The following TMEM192 variants were observed in gnomAD, a reference collection of about 807,000 sequenced individuals.
The protein encoded by TMEM192 is transmembrane protein 192.
Under a neutral mutation model 26.7 loss-of-function variants are expected in TMEM192, and 20 were observed. That is an observed-to-expected ratio of 0.75 (90% CI 0.53 to 1.09). TMEM192 has a LOEUF of 1.09. Among genes scored for constraint, TMEM192 ranks in the 50% least tolerant of loss-of-function variants. The probability of loss-of-function intolerance (pLI) is 0.00; values close to 1 mark genes in which losing one functional copy is unlikely to be tolerated. For missense variants in TMEM192, 304 were observed against 322.6 expected, an observed-to-expected ratio of 0.94 and a Z score of 0.44; for synonymous variants, 124 against 121.0, an observed-to-expected ratio of 1.02 and a Z score of -0.16.
intron 4 of TMEM192, among the ~76,000 whole-genome samples, chr4:165,087,373 G>A (rs547394490): frequency 6.6e-6 from 1 of 152,132 alleles, no homozygotes; most frequent in Non-Finnish European, 1.5e-5. Flanking sequence ...AAGAGACAGA[G>A]CTGAAAGACA....
intron 3 of TMEM192, among the ~76,000 whole-genome samples, chr4:165,099,885 G>T (rs1734999088): frequency 6.6e-6 from 1 of 152,146 alleles, no homozygotes; most frequent in African/African-American, 2.4e-5. Flanking sequence ...GGAATTCCAG[G>T]CTACAGTGAG....
chr4:165,105,898 T>C (rs191773293), intron 1 of TMEM192, among the ~76,000 whole-genome samples: 11 of 152,188 alleles, frequency 7.2e-5, no homozygotes, highest in Admixed American at 6.5e-4. Context: ...GCCATGAGGG[T>C]TCCCCCCCTC....
At chr4:165,084,062 T>G (rs1734551544) in intron 5 of TMEM192, among the ~76,000 whole-genome samples, 1 of 152,042 alleles carries the variant, frequency 6.6e-6, no homozygotes, top group East Asian at 1.9e-4. Context: ...CCTCGTGATC[T>G]GCCCACCTCA....
At chr4:165,088,056 T>C (rs187718219) in intron 4 of TMEM192, among the ~76,000 whole-genome samples, 8 of 152,228 alleles carry the variant, frequency 5.3e-5, no homozygotes, top group Middle Eastern at 3.4e-3. Flanking sequence ...ACCACATTTG[T>C]GCACCACCAT....
rs1162176142 is a variant in TMEM192 at position 165,103,096 on chromosome 4, C to G, written c.28G>C (p.Gly10Arg). MAAGGRMED[G>R]SLDITQSIED... is the part of the protein sequence containing the mutation. ...ATACTCTGGGTGATATCCAAGGAAC[C>G]CTGGGGTGCAGAAAAACAAGCAACC... Residue 10 changes from glycine (G) to arginine (R), a missense_variant and splice_region_variant, in exon 2 of 6, where the codon GGT (glycine) becomes CGT (arginine). Physicochemically the swap from Gly to Arg is moderately radical, Grantham distance 125. Coordinates refer to ENST00000306480, the MANE Select transcript of TMEM192 (RefSeq NM_001100389.2). 7 of 1,597,162 alleles carry G rather than the reference C, an allele frequency of 4.4e-6. No homozygotes were observed. The highest frequency in any genetic ancestry group is 6.0e-6 in the Non-Finnish European group (7 of 1,173,212).
intron 1 of TMEM192, among the ~76,000 whole-genome samples, chr4:165,103,789 T>C (rs978616090): frequency 6.6e-6 from 1 of 152,222 alleles, no homozygotes; most frequent in Non-Finnish European, 1.5e-5. Flanking sequence ...CCCAAAGTGC[T>C]GGGATTACAG....
chr4:165,096,148 C>T (rs1734894173), intron 3 of TMEM192, among the ~76,000 whole-genome samples: 1 of 151,818 alleles, frequency 6.6e-6, no homozygotes, highest in Admixed American at 6.6e-5. Flanking sequence ...TGGCTCATGC[C>T]TGTAATGCCA....
chr4:165,107,654 C>A (rs985128825), intron 1 of TMEM192, among the ~76,000 whole-genome samples: 1 of 152,104 alleles, frequency 6.6e-6, no homozygotes, highest in Non-Finnish European at 1.5e-5. Flanking sequence ...AAGGATTTGC[C>A]TCTCACCATT....
chr4:165,075,758 T>TG lies in TMEM192; in HGVS notation c.*3899dup, dbSNP rs1203969483. On this transcript the variant is annotated 3_prime_UTR_variant, in exon 6 of 6. Coordinates refer to ENST00000306480, the MANE Select transcript of TMEM192 (RefSeq NM_001100389.2). ...CTGATATTTGTATTCTTAGTAGAGA[T>TG]GGGGTTTCACCATCTTGGCCAGGCT... 1 of 151,908 alleles carries TG rather than the reference T, an allele frequency of 6.6e-6. No homozygotes were observed. Among genetic ancestry groups the TG allele is most frequent in the Non-Finnish European group, 1.5e-5 (1 of 67,992 alleles). 9.4% of individuals were successfully genotyped at this position (151,908 alleles called of 1,614,324 possible).
intron 2 of TMEM192, 102 bp downstream of exon 2, chr4:165,102,848 A>C (rs1560934753): frequency 7.1e-6 from 8 of 1,128,242 alleles, no homozygotes; most frequent in South Asian, 2.7e-5. Flanking sequence ...TGTGCCCTAC[A>C]TTTTAAATGT....
chr4:165,105,076 T>C (rs1168096834), intron 1 of TMEM192, among the ~76,000 whole-genome samples: 3 of 152,178 alleles, frequency 2.0e-5, no homozygotes, highest in Admixed American at 1.3e-4. Context: ...CCACCCTCCA[T>C]GTTTTTCAAA....
intron 3 of TMEM192, among the ~76,000 whole-genome samples, chr4:165,090,213 G>GA (rs35732863): frequency 0.3 from 15,702 of 52,450 alleles, 2,565 homozygotes; most frequent in Admixed American, 0.42. Flanking sequence ...CTCCGTCTTG[G>GA]AAAAAAAAAA....
chr4:165,104,046 C>A (rs1735107925), intron 1 of TMEM192, among the ~76,000 whole-genome samples: 1 of 152,126 alleles, frequency 6.6e-6, no homozygotes, highest in African/African-American at 2.4e-5. Context: ...TCACTTGGAC[C>A]CAGGAGGTGG....
chr4:165,074,374 A>C lies in TMEM192; in HGVS notation c.*5284T>G, dbSNP rs1467337458. 2.0e-5 allele frequency: 3 copies of C among 152,200 alleles called. No individual in the cohort carries two copies. The highest frequency in any genetic ancestry group is 4.4e-5 in the Non-Finnish European group (3 of 68,026). The allele number at this position is 152,200 out of a possible 1,614,324, so 9.4% of individuals were successfully genotyped here. On this transcript the variant is annotated 3_prime_UTR_variant, in exon 6 of 6. Transcript: ENST00000306480. ...TTGAGATCTCAAATTTGTGATTGTC[A>C]CATATTCAAAGTTTGATTCTTCAAG...
At chr4:165,081,118 G>A (rs981415263) in intron 5 of TMEM192, among the ~76,000 whole-genome samples, 8 of 152,178 alleles carry the variant, frequency 5.3e-5, no homozygotes, top group African/African-American at 1.9e-4. Context: ...TCCTGACTTT[G>A]TCACCCACAG....
chr4:165,096,320 A>G (rs1734901228), intron 3 of TMEM192, among the ~76,000 whole-genome samples: 2 of 151,954 alleles, frequency 1.3e-5, no homozygotes, highest in African/African-American at 4.8e-5. Flanking sequence ...CAGGAGAATC[A>G]GTTGAACCTG....
chr4:165,093,150 G>A (rs1184222801), intron 3 of TMEM192, among the ~76,000 whole-genome samples: 3 of 140,728 alleles, frequency 2.1e-5, no homozygotes, highest in African/African-American at 5.3e-5. Context: ...AGGCTGGAGC[G>A]CGGTGGCACG....
At chr4:165,094,380 C>CT (rs2110768352) in intron 3 of TMEM192, among the ~76,000 whole-genome samples, 1 of 152,264 alleles carries the variant, frequency 6.6e-6, no homozygotes, top group South Asian at 2.1e-4. Flanking sequence ...TAGACATAGT[C>CT]TAAGTGCTTT....
At chr4:165,093,223 A>G (rs935279492) in intron 3 of TMEM192, among the ~76,000 whole-genome samples, 3 of 150,014 alleles carry the variant, frequency 2.0e-5, no homozygotes, top group Non-Finnish European at 4.4e-5. Context: ...CGGCCTCCTG[A>G]GTAGCTGGGA....
Sources: gnomAD v4.1 joint callset for allele counts (sites outside exome capture counted in the v4.1 genomes callset) on GRCh38, gnomAD v4.1.1 for gene constraint, MANE v1.5 for transcripts, NCBI Gene and HGNC (gene_info 2026-07-23, HGNC 2026-07-21) for gene names.